The following FHOD3 variants were observed in gnomAD, a reference collection of about 807,000 sequenced individuals.
FHOD3 encodes formin homology 2 domain containing 3.
A neutral mutation model predicts 173.0 loss-of-function variants in FHOD3; 90 were observed. The observed-to-expected ratio is 0.52, with a 90% CI of 0.44 to 0.62. FHOD3 has a LOEUF of 0.62. Ranked by LOEUF, FHOD3 falls within the 20% of genes least tolerant of loss-of-function variation. The probability of loss-of-function intolerance (pLI) is 0.00; values close to 1 mark genes in which losing one functional copy is unlikely to be tolerated. For synonymous variants in FHOD3, 828 were observed against 823.0 expected (o/e 1.01, Z -0.10); for missense variants, 1,945 against 2,034.7 (o/e 0.96, Z 0.85).
intron 1 of FHOD3, among the ~76,000 whole-genome samples, chr18:36,339,802 TA>T (rs2045521101): frequency 6.6e-6 from 1 of 152,204 alleles, no homozygotes; most frequent in South Asian, 2.1e-4. Context: ...TAGCTGATTT[TA>T]AAAAACACCA....
intron 1 of FHOD3, among the ~76,000 whole-genome samples, chr18:36,305,160 T>C (rs753836518): frequency 6.6e-6 from 1 of 152,216 alleles, no homozygotes; most frequent in Non-Finnish European, 1.5e-5. Context: ...CTGCAAAATA[T>C]ATACCCAGAA....
intron 2 of FHOD3, among the ~76,000 whole-genome samples, chr18:36,370,577 A>C (rs935751233): frequency 3.3e-5 from 5 of 152,190 alleles, no homozygotes; most frequent in Non-Finnish European, 7.3e-5. Flanking sequence ...TTGAAGATAC[A>C]AGAAGGGGCA....
chr18:36,732,908 C>CT (rs2041443698), intron 20 of FHOD3, among the ~76,000 whole-genome samples: 1 of 152,222 alleles, frequency 6.6e-6, no homozygotes, highest in African/African-American at 2.4e-5. Context: ...GATATTTTGT[C>CT]TGTCAGTGCG....
At chr18:36,561,155 C>T (rs1014770925) in intron 5 of FHOD3, among the ~76,000 whole-genome samples, 5 of 152,242 alleles carry the variant, frequency 3.3e-5, no homozygotes, top group Non-Finnish European at 5.9e-5. Context: ...TAGCTGATAA[C>T]ATGAGAAATG....
chr18:36,708,991 A>G (rs920960208), intron 17 of FHOD3, 104 bp from the exon 18 acceptor site: 2 of 1,379,408 alleles, frequency 1.4e-6, no homozygotes, highest in Middle Eastern at 1.9e-4. Flanking sequence ...CCATCTTTGG[A>G]CATCTGTCCA....
At chr18:36,482,858 C>CACACACAGAGAGAGAGAGAG (rs1400178557) in intron 3 of FHOD3, among the ~76,000 whole-genome samples, 1 of 130,374 alleles carries the variant, frequency 7.7e-6, no homozygotes, top group African/African-American at 3.1e-5. Context: ...CACACACACA[C>CACACACAGAGAGAGAGAGAG]AGAGAGAGAG....
At chr18:36,440,308 G>T (rs902815096) in intron 3 of FHOD3, among the ~76,000 whole-genome samples, 1 of 152,214 alleles carries the variant, frequency 6.6e-6, no homozygotes, top group Non-Finnish European at 1.5e-5. Context: ...AGAAGCAGGC[G>T]CAGGGCACTT....
chr18:36,757,309 C>G (rs1337186608), intron 25 of FHOD3, among the ~76,000 whole-genome samples: 1 of 152,140 alleles, frequency 6.6e-6, no homozygotes, highest in Non-Finnish European at 1.5e-5. Context: ...GAAGGATTGC[C>G]CTCTGCTGGA....
At chr18:36,321,702 G>C (rs1360456052) in intron 1 of FHOD3, among the ~76,000 whole-genome samples, 1 of 152,338 alleles carries the variant, frequency 6.6e-6, no homozygotes, top group South Asian at 2.1e-4. Flanking sequence ...TTGGGGGACT[G>C]CCCAGTGCTT....
intron 3 of FHOD3, among the ~76,000 whole-genome samples, chr18:36,481,680 T>A (rs1409073826): frequency 1.3e-5 from 2 of 152,220 alleles, no homozygotes; most frequent in Admixed American, 6.5e-5. Context: ...ATGACAAAAA[T>A]TTGACTTTTA....
At chr18:36,308,438 G>A (rs1598647623) in intron 1 of FHOD3, among the ~76,000 whole-genome samples, 1 of 152,120 alleles carries the variant, frequency 6.6e-6, no homozygotes, top group African/African-American at 2.4e-5. Context: ...TGTGCAGCTG[G>A]TATCACCTCC....
At chr18:36,643,020 G>T (rs1021391425) in intron 10 of FHOD3, among the ~76,000 whole-genome samples, 1 of 150,946 alleles carries the variant, frequency 6.6e-6, no homozygotes, top group Non-Finnish European at 1.5e-5. Context: ...GTTCTTCTTG[G>T]ACTTGTTTTG....
intron 3 of FHOD3, among the ~76,000 whole-genome samples, chr18:36,401,439 G>T (rs1051475579): frequency 1.2e-4 from 18 of 152,150 alleles, no homozygotes; most frequent in South Asian, 6.2e-4. Context: ...TTTTGTTATA[G>T]CAGTCTGAAT....
At chr18:36,456,195 A>G (rs977657882) in intron 3 of FHOD3, among the ~76,000 whole-genome samples, 15 of 152,278 alleles carry the variant, frequency 9.9e-5, no homozygotes, top group Non-Finnish European at 2.1e-4. Flanking sequence ...ATAATTAACC[A>G]TGGGCCTCAA....
Position 36,625,616 on chromosome 18 carries a change from CG to C in FHOD3, c.1067del (p.Gly356AlafsTer151). On this transcript the variant is annotated frameshift_variant, in exon 10 of 29. Transcript: ENST00000590592. LOFTEE classifies it high-confidence loss of function. ...SVCSSGGGEH[R>X]GLDRRRSRRH... ...GTGTTCCAGTGGCGGAGGCGAGCAC[CG>C]GGGCCTGGACCGCAGAAGGAGCCGC... The C allele has an allele frequency of 1.9e-6, 3 of 1,592,768 alleles. No individual in the cohort carries two copies. The highest frequency in any genetic ancestry group is 2.6e-6 in the Non-Finnish European group (3 of 1,166,618).
chr18:36,693,032 A>G (rs916964068), intron 16 of FHOD3, 177 bp from the exon 17 acceptor site: 1 of 632,356 alleles, frequency 1.6e-6, no homozygotes, highest in Non-Finnish European at 2.8e-6. Flanking sequence ...GGGATTTTTA[A>G]TCATTAGCAT....
At chr18:36,709,005 C>A in intron 17 of FHOD3, 90 bp from the exon 18 acceptor site, 1 of 1,480,130 alleles carries the variant, frequency 6.8e-7, no homozygotes, top group Non-Finnish European at 9.2e-7. Context: ...CTGTCCACCA[C>A]AGAGAAATCA....
intron 5 of FHOD3, among the ~76,000 whole-genome samples, chr18:36,563,632 G>C (rs2058164775): frequency 6.6e-6 from 1 of 152,178 alleles, no homozygotes; most frequent in Non-Finnish European, 1.5e-5. Flanking sequence ...GTAAGAAATG[G>C]TGGAGATTAC....
At chr18:36,503,269 G>T (rs914867476) in intron 4 of FHOD3, among the ~76,000 whole-genome samples, 1 of 152,130 alleles carries the variant, frequency 6.6e-6, no homozygotes, top group Non-Finnish European at 1.5e-5. Context: ...GTCTGTCTAG[G>T]TTCATTATTT....
Sources: allele counts gnomAD v4.1 joint callset (sites outside exome capture counted in the v4.1 genomes callset), GRCh38; gene constraint gnomAD v4.1.1; transcripts MANE v1.5; gene names NCBI Gene and HGNC (gene_info 2026-07-23, HGNC 2026-07-21).